GRID2: variants seen among roughly 807,000 people sequenced by gnomAD.
The protein encoded by GRID2 is glutamate ionotropic receptor delta type subunit 2.
Under a neutral mutation model 114.8 loss-of-function variants are expected in GRID2, and 33 were observed. That is an observed-to-expected ratio of 0.29 (90% CI 0.22 to 0.38). The LOEUF (loss-of-function observed/expected upper bound fraction) is 0.38, where lower values mean the gene tolerates loss of function less well. Among genes scored for constraint, GRID2 ranks in the 10% least tolerant of loss-of-function variants. GRID2 has a pLI of 1.00. For missense variants in GRID2, 1,184 were observed against 1,257.7 expected (o/e 0.94, Z 0.89); for synonymous variants, 505 against 449.9 (o/e 1.12, Z -1.55).
chr4:92,943,999 G>C (rs1228952562), intron 2 of GRID2, among the ~76,000 whole-genome samples: 1 of 152,150 alleles, frequency 6.6e-6, no homozygotes, highest in Non-Finnish European at 1.5e-5. Flanking sequence ...CCCCTACTGG[G>C]GGGTGCCTCC....
chr4:92,342,030 A>G (rs1727518836), intron 1 of GRID2, among the ~76,000 whole-genome samples: 1 of 152,120 alleles, frequency 6.6e-6, no homozygotes, highest in Non-Finnish European at 1.5e-5. Context: ...CATTTTATTC[A>G]TTAATTAAAA....
At chr4:92,352,516 T>C (rs1325711022) in intron 1 of GRID2, among the ~76,000 whole-genome samples, 2 of 151,888 alleles carry the variant, frequency 1.3e-5, no homozygotes, top group Non-Finnish European at 2.9e-5. Context: ...GGATTTTTAG[T>C]TTTATCTAAT....
rs189328369 is a variant in GRID2 at position 93,523,606 on chromosome 4, C to G, written c.2193+8195C>G. Among the ~76,000 whole-genome samples, 7 of 152,272 alleles carry G rather than the reference C, an allele frequency of 4.6e-5. No homozygotes were observed. In the East Asian group the frequency reaches 1.4e-3, roughly 29 times the overall value. On this transcript the variant is annotated intron_variant, in intron 13 of 15. Transcript: ENST00000282020. ...AGCATTTAGGAATCCAGGACCAACA[C>G]AGACTCTAGGCAAATTATGTTGATA... is the stretch of plus-strand genomic sequence containing the variant.
Position 93,423,336 on chromosome 4 carries a change from C to CTTTTTT in GRID2, c.1545+392_1545+397dup, listed in dbSNP as rs554663844. ...GCAATTTGTACTATTTTTTTTCTTT[C>CTTTTTT]TTTTTTTTTTTTTTTTTTTTTTTTT... On this transcript the variant is annotated intron_variant, in intron 10 of 15. Coordinates refer to ENST00000282020, the MANE Select transcript of GRID2 (RefSeq NM_001510.4). Among the ~76,000 whole-genome samples the CTTTTTT allele has an allele frequency of 1.6e-3, 115 of 73,574 alleles. 3 individuals are homozygous for CTTTTTT. Among genetic ancestry groups the CTTTTTT allele is most frequent in the African/African-American group, 4.0e-3 (70 of 17,586 alleles). 48.3% of individuals were successfully genotyped at this position (73,574 alleles called of 152,430 possible).
chr4:92,789,057 T>G (rs916412335), intron 2 of GRID2, among the ~76,000 whole-genome samples: 1 of 151,900 alleles, frequency 6.6e-6, no homozygotes, highest in African/African-American at 2.4e-5. Context: ...GATAATTTTG[T>G]CAGATATACA....
chr4:93,383,723 C>A (rs1317490951), intron 8 of GRID2, among the ~76,000 whole-genome samples: 1 of 152,132 alleles, frequency 6.6e-6, no homozygotes, highest in African/African-American at 2.4e-5. Flanking sequence ...GCCACTACCC[C>A]CTACACAGCT....
At chr4:92,402,523 C>T (rs949081404) in intron 1 of GRID2, among the ~76,000 whole-genome samples, 1 of 152,172 alleles carries the variant, frequency 6.6e-6, no homozygotes, top group Non-Finnish European at 1.5e-5. Context: ...CATTAATCTC[C>T]TTGTACATGT....
intron 14 of GRID2, among the ~76,000 whole-genome samples, chr4:93,653,380 G>A (rs1402859062): frequency 6.6e-6 from 1 of 152,112 alleles, no homozygotes; most frequent in Non-Finnish European, 1.5e-5. Context: ...GCCAACTCCA[G>A]TGTATCTCAG....
intron 6 of GRID2, among the ~76,000 whole-genome samples, chr4:93,223,468 T>A (rs1275774595): frequency 6.6e-6 from 1 of 152,174 alleles, no homozygotes; most frequent in Non-Finnish European, 1.5e-5. Flanking sequence ...CAGACTCTAA[T>A]TATCTCAATA....
intron 14 of GRID2, among the ~76,000 whole-genome samples, chr4:93,722,692 C>A (rs1184846556): frequency 2.0e-5 from 3 of 152,196 alleles, no homozygotes; most frequent in African/African-American, 7.2e-5. Context: ...TCTGGACGGA[C>A]TTGCAGCTCT....
rs978575632 is a variant in GRID2 at position 92,621,485 on chromosome 4, T to A, written c.244+31199T>A. Among the ~76,000 whole-genome samples the A allele has an allele frequency of 5.9e-5, 9 of 151,776 alleles. No homozygotes were observed. The Admixed American group carries it at 5.9e-4, about 10-fold the overall frequency. Reference sequence around the variant, plus strand: ...TGTGGTTATTTTAACTGTGATGGGATGTTGCTTGGATCAGGTGTATAAAAA... The same window carrying A: ...TGTGGTTATTTTAACTGTGATGGGAAGTTGCTTGGATCAGGTGTATAAAAA... On this transcript the variant is annotated intron_variant, in intron 2 of 15. Coordinates refer to ENST00000282020, the MANE Select transcript of GRID2 (RefSeq NM_001510.4).
chr4:92,751,304 TAAGAG>T (rs1049618817), intron 2 of GRID2, among the ~76,000 whole-genome samples: 6 of 152,280 alleles, frequency 3.9e-5, no homozygotes, highest in African/African-American at 1.2e-4. Flanking sequence ...AAAATGCAGC[TAAGAG>T]AAAACTAGTA....
At chr4:92,471,973 G>T (rs1722063940) in intron 1 of GRID2, among the ~76,000 whole-genome samples, 1 of 46,234 alleles carries the variant, frequency 2.2e-5, no homozygotes, top group African/African-American at 1.3e-4. Context: ...TCGCTCTGTC[G>T]CCCAGGCTGG....
At chr4:93,645,988 G>A (rs1722078420) in intron 14 of GRID2, among the ~76,000 whole-genome samples, 1 of 152,160 alleles carries the variant, frequency 6.6e-6, no homozygotes, top group Non-Finnish European at 1.5e-5. Flanking sequence ...AAGGCAAGCA[G>A]TTTACTAGAG....
At chr4:92,453,431 C>T (rs1042134749) in intron 1 of GRID2, among the ~76,000 whole-genome samples, 8 of 152,006 alleles carry the variant, frequency 5.3e-5, no homozygotes, top group African/African-American at 1.9e-4. Context: ...AGTATGGCCT[C>T]ACGTATGTAT....
chr4:92,638,737 T>C (rs1447356292), intron 2 of GRID2, among the ~76,000 whole-genome samples: 2 of 150,538 alleles, frequency 1.3e-5, no homozygotes, highest in Non-Finnish European at 3.0e-5. Context: ...TAGAATCTAT[T>C]GAAAGGGATA....
At chr4:93,767,281 G>A (rs772965035) in intron 14 of GRID2, among the ~76,000 whole-genome samples, 1 of 152,052 alleles carries the variant, frequency 6.6e-6, no homozygotes, top group Non-Finnish European at 1.5e-5. Context: ...TAACCACAAG[G>A]CCCTTTTCTT....
chr4:92,452,290 G>A (rs1720966794), intron 1 of GRID2, among the ~76,000 whole-genome samples: 1 of 151,486 alleles, frequency 6.6e-6, no homozygotes. Flanking sequence ...GCTTTGGTTA[G>A]CAAATTTAGC....
intron 2 of GRID2, among the ~76,000 whole-genome samples, chr4:93,069,308 G>A (rs948132091): frequency 2.6e-5 from 4 of 151,718 alleles, no homozygotes; most frequent in African/African-American, 9.7e-5. Flanking sequence ...ATATGCATGT[G>A]TGTATATATA....
Sources: gnomAD v4.1 joint callset for allele counts (sites outside exome capture counted in the v4.1 genomes callset) on GRCh38, gnomAD v4.1.1 for gene constraint, MANE v1.5 for transcripts, NCBI Gene and HGNC (gene_info 2026-07-23, HGNC 2026-07-21) for gene names.